Variants in MBTPS1 observed in about 807,000 individuals in gnomAD.
MBTPS1 encodes membrane bound transcription factor peptidase, site 1, also known as membrane-bound transcription factor site-1 protease.
In MBTPS1, 94 loss-of-function variants were observed where a neutral mutation model predicts 127.8. That is an observed-to-expected ratio of 0.74 (90% CI 0.62 to 0.87). The LOEUF (loss-of-function observed/expected upper bound fraction) is 0.87. Among genes scored for constraint, MBTPS1 ranks in the 40% least tolerant of loss-of-function variants. The pLI is 0.00. For synonymous variants in MBTPS1, 632 were observed against 509.4 expected, an observed-to-expected ratio of 1.24 and a Z score of -3.24; for missense variants, 1,636 against 1,353.2, an observed-to-expected ratio of 1.21 and a Z score of -3.28.
At chr16:84,110,294 G>A (rs1020193759) in intron 1 of MBTPS1, among the ~76,000 whole-genome samples, 1 of 152,188 alleles carries the variant, frequency 6.6e-6, no homozygotes, top group African/African-American at 2.4e-5. Flanking sequence ...CAGAATTCCT[G>A]AAAGGATTCA....
chr16:84,074,918 CT>C, intron 11 of MBTPS1, 177 bp from the exon 12 acceptor site: 1 of 520,382 alleles, frequency 1.9e-6, no homozygotes, highest in Admixed American at 3.5e-5. Context: ...CAGATAAGGC[CT>C]CTGTGCCAGC....
Position 84,101,843 on chromosome 16 carries a change from G to A in MBTPS1, c.-60C>T. On this transcript the variant is annotated 5_prime_UTR_variant, in exon 2 of 23. Transcript: ENST00000343411. ...ATTCAAATCACACTTTTTTCTTCTT[G>A]ATTAAAAGTGAATTTTTGTTTCAGC... The A allele has an allele frequency of 2.7e-6, 4 of 1,505,538 alleles. No individual in the cohort carries two copies. Among genetic ancestry groups the A allele is most frequent in the Non-Finnish European group, 3.6e-6 (4 of 1,098,098 alleles). 93.3% of individuals were successfully genotyped at this position (1,505,538 alleles called of 1,614,324 possible).
At position 84,092,576 on chromosome 16, in the gene MBTPS1, G is replaced by C. The variant is rs534719364; in HGVS notation, c.846+612C>G. On this transcript the variant is annotated intron_variant, in intron 6 of 22. Transcript: ENST00000343411. ...AGTGAGGAAAGAACCTGCTGGACGGGGACAGGGGTGGGGGTCTCACTGTGT... is the reference window on the plus strand; with the variant it reads ...AGTGAGGAAAGAACCTGCTGGACGGCGACAGGGGTGGGGGTCTCACTGTGT... Among the ~76,000 whole-genome samples, 53 of 152,260 alleles carry C rather than the reference G, an allele frequency of 3.5e-4. 1 individual carries two copies. In the South Asian group the frequency reaches 5.0e-3, roughly 14 times the overall value.
intron 9 of MBTPS1, chr16:84,086,629 A>T (rs1335127400): frequency 6.6e-6 from 1 of 152,238 alleles, no homozygotes; most frequent in Non-Finnish European, 1.5e-5. Flanking sequence ...CAGTGTTCCC[A>T]GGCAGTTGGG....
chr16:84,070,378 C>T (rs1015204559), intron 13 of MBTPS1, among the ~76,000 whole-genome samples: 1 of 152,210 alleles, frequency 6.6e-6, no homozygotes, highest in African/African-American at 2.4e-5. Flanking sequence ...TGTGTGGCCA[C>T]AGAACGGCAA....
Position 84,095,643 on chromosome 16 carries a change from T to C in MBTPS1, c.584A>G (p.Gln195Arg). 6.2e-7 allele frequency: 1 copy of C among 1,614,258 alleles called. No individual in the cohort carries two copies. Among genetic ancestry groups the C allele is most frequent in the Non-Finnish European group, 8.5e-7 (1 of 1,180,038 alleles). Residue 195 changes from glutamine (Q) to arginine (R), a missense_variant, in exon 4 of 23, where the codon CAG becomes CGG. Transcript: ENST00000343411. ...LLRAIPRQVA[Q>R]TLQADVLWQM... ...CCAGAGCACATCTGCCTGCAGTGTC[T>C]GGGCAACCTGGCGCGGGATGGCTCT... is the stretch of plus-strand genomic sequence containing the variant.
At position 84,068,371 on chromosome 16, in the gene MBTPS1, G is replaced by A. The variant is rs1464012827; in HGVS notation, c.2039C>T (p.Ala680Val). ...ACTGGCATCAAAACACGTGAAGGGG[G>A]CCCCGAGGACCTCTACAAAGTAGCC... ...SMGYFVEVLG[A>V]PFTCFDASQY... is the part of the protein sequence containing the mutation. The change falls in exon 15 of 23, where the codon GCC becomes GTC. Residue 680 changes from alanine (A) to valine (V), a missense_variant. Transcript: ENST00000343411. 17 of 1,613,988 alleles carry A rather than the reference G, an allele frequency of 1.1e-5. No homozygotes were observed. The highest frequency in any genetic ancestry group is 1.6e-4 in the Middle Eastern group (1 of 6,062).
intron 1 of MBTPS1, among the ~76,000 whole-genome samples, chr16:84,115,095 A>G (rs1220218345): frequency 6.6e-6 from 1 of 151,846 alleles, no homozygotes; most frequent in East Asian, 2.0e-4. Context: ...CGCCCAGCTA[A>G]TTTTTGTATT....
intron 1 of MBTPS1, among the ~76,000 whole-genome samples, chr16:84,113,247 C>T (rs1289442682): frequency 2.0e-5 from 3 of 152,174 alleles, no homozygotes; most frequent in South Asian, 2.1e-4. Flanking sequence ...CTACTTAGGG[C>T]TGTTACTGTA....
rs142621823 is a variant in MBTPS1, at chr16:84,103,054, C to T, written c.-324-947G>A. 2.8e-4 allele frequency among the ~76,000 whole-genome samples: 43 copies of T among 152,132 alleles called. 1 individual carries two copies. In the East Asian group the frequency reaches 7.5e-3, roughly 27 times the overall value. ...ATTAAGCATGCGCACAGATATCTTCCAAAACATCTGAATTGTAAGAAAAAC... is the reference window on the plus strand; with the variant it reads ...ATTAAGCATGCGCACAGATATCTTCTAAAACATCTGAATTGTAAGAAAAAC... On this transcript the variant is annotated intron_variant, in intron 1 of 22. Coordinates refer to ENST00000343411, the MANE Select transcript of MBTPS1 (RefSeq NM_003791.4).
chr16:84,074,006 C>CA (rs1010303571), intron 12 of MBTPS1, among the ~76,000 whole-genome samples: 89 of 149,118 alleles, frequency 6.0e-4, no homozygotes, highest in Admixed American at 3.4e-3. Context: ...CACTCTGTCT[C>CA]AAAAAAAAAT....
chr16:84,093,620 C>A (rs1295222945), intron 5 of MBTPS1, 91 bp downstream of exon 5: 2 of 938,170 alleles, frequency 2.1e-6, no homozygotes, highest in Admixed American at 4.0e-5. Context: ...TTGGGCTTGT[C>A]TGAATAATTG....
chr16:84,091,303 C>T (rs570056076), intron 7 of MBTPS1, among the ~76,000 whole-genome samples: 1 of 151,936 alleles, frequency 6.6e-6, no homozygotes, highest in South Asian at 2.1e-4. Flanking sequence ...CTGGCCAATT[C>T]GGTGAAACCC....
At chr16:84,054,985 A>G (rs1469684371) in intron 22 of MBTPS1, among the ~76,000 whole-genome samples, 1 of 152,160 alleles carries the variant, frequency 6.6e-6, no homozygotes, top group Non-Finnish European at 1.5e-5. Flanking sequence ...TTCTCTAAAC[A>G]CAAGGGAAGA....
chr16:84,074,110 T>G (rs1430837078), intron 12 of MBTPS1, among the ~76,000 whole-genome samples: 1 of 152,212 alleles, frequency 6.6e-6, no homozygotes, highest in Non-Finnish European at 1.5e-5. Flanking sequence ...GGAGCCAAAC[T>G]CAAGATGCCA....
chr16:84,097,008 T>A (rs1450730582), intron 3 of MBTPS1, among the ~76,000 whole-genome samples: 1 of 152,162 alleles, frequency 6.6e-6, no homozygotes, highest in Non-Finnish European at 1.5e-5. Context: ...GGACTTGAAA[T>A]CAAGTCACCT....
At chr16:84,084,121 G>T (rs1360057050) in intron 10 of MBTPS1, among the ~76,000 whole-genome samples, 1 of 152,110 alleles carries the variant, frequency 6.6e-6, no homozygotes, top group South Asian at 2.1e-4. Context: ...CACCACACCT[G>T]GCTAACTTGT....
rs140561689 is a variant in MBTPS1, at chr16:84,101,717, C to T, written c.67G>A (p.Asp23Asn). The T allele has an allele frequency of 1.7e-4, 277 of 1,614,122 alleles. 1 individual carries two copies. The highest frequency in any genetic ancestry group is 2.1e-4 in the Non-Finnish European group (253 of 1,180,010). Reference protein sequence around the residue: ...VLLCGKKHLGDRLEKKSFEKA... With the variant: ...VLLCGKKHLGNRLEKKSFEKA... ...TCAAAAGATTTCTTTTCCAGTCTGTCGCCCAGATGTTTCTTCCCACAGAGC... is the reference window on the plus strand; with the variant it reads ...TCAAAAGATTTCTTTTCCAGTCTGTTGCCCAGATGTTTCTTCCCACAGAGC... Residue 23 changes from aspartate (D) to asparagine (N), a missense_variant, in exon 2 of 23, where the codon GAC (aspartate) becomes AAC (asparagine). By Grantham distance (23) the Asp-to-Asn change is conservative (BLOSUM62 1). Coordinates refer to ENST00000343411, the MANE Select transcript of MBTPS1 (RefSeq NM_003791.4).
At chr16:84,103,158 G>A (rs529567030) in intron 1 of MBTPS1, among the ~76,000 whole-genome samples, 14 of 152,264 alleles carry the variant, frequency 9.2e-5, no homozygotes, top group Non-Finnish European at 1.6e-4. Context: ...CAGTTGCACA[G>A]ACCATACCCG....
Sources: allele counts gnomAD v4.1 joint callset (sites outside exome capture counted in the v4.1 genomes callset), GRCh38; gene constraint gnomAD v4.1.1; transcripts MANE v1.5; gene names NCBI Gene and HGNC (gene_info 2026-07-23, HGNC 2026-07-21).